ATP13A1: variants seen among roughly 807,000 people sequenced by gnomAD.
ATP13A1 encodes ATPase 13A1, also known as endoplasmic reticulum transmembrane helix translocase.
Under a neutral mutation model 134.8 loss-of-function variants are expected in ATP13A1, and 55 were observed. That is an observed-to-expected ratio of 0.41 (90% CI 0.33 to 0.51). ATP13A1 has a LOEUF of 0.51. ATP13A1 is among the 20% of genes least tolerant of loss of function. The probability of loss-of-function intolerance (pLI) is 0.29; values close to 1 mark genes in which losing one functional copy is unlikely to be tolerated. For synonymous variants in ATP13A1, 775 were observed against 725.1 expected (o/e 1.07, Z -1.10); for missense variants, 1,389 against 1,652.8 (o/e 0.84, Z 2.77).
At position 19,649,894 on chromosome 19, in the gene ATP13A1, G is replaced by A. The variant is rs2062013174; in HGVS notation, c.2382C>T (p.Pro794=). Residue 794 remains proline (P), a synonymous_variant, in exon 18 of 26, where the codon CCC becomes CCT. Transcript: ENST00000357324. Reference sequence around the variant, plus strand: ...GTGCCTTTGGGGAGCCCCGGGCCAGGGGCAGCACGATGCTGCCGTCAATGG... The same window carrying A: ...GTGCCTTTGGGGAGCCCCGGGCCAGAGGCAGCACGATGCTGCCGTCAATGG... ...WRSIDGSIVL[P]LARGSPKALA... 4 of 1,600,356 alleles carry A rather than the reference G, an allele frequency of 2.5e-6. No homozygotes were observed. The highest frequency in any genetic ancestry group is 3.4e-6 in the Non-Finnish European group (4 of 1,179,476).
At position 19,654,637 on chromosome 19, in the gene ATP13A1, C is replaced by A; in HGVS notation, c.1719G>T (p.Ser573=). The A allele has an allele frequency of 6.2e-7, 1 of 1,613,614 alleles. No individual in the cohort carries two copies. The highest frequency in any genetic ancestry group is 8.5e-7 in the Non-Finnish European group (1 of 1,179,856). Residue 573 remains serine (S), a synonymous_variant, in exon 13 of 26, where the codon TCG becomes TCT. Transcript: ENST00000357324. ...IPVETHRALA[S]CHSLMQLDDG... ...CGTCCAGCTGCATGAGCGAGTGGCA[C>A]GAGGCCAGGGCCCGGTGTGTTTCTA...
Position 19,654,124 on chromosome 19 carries a change from T to C in ATP13A1, c.1834A>G (p.Ser612Gly). The change falls in exon 14 of 26, where the codon AGT becomes GGT. Residue 612 changes from serine to glycine, a missense_variant. By Grantham distance (56) the Ser-to-Gly change is moderately conservative. Around this residue, in one of 4 missense-constraint regions of ATP13A1, gnomAD observed 747 missense variants for 956.1 expected, o/e 0.78. Transcript: ENST00000357324. ...ATTTTCAGCCCCTGAGTTTTAATAC[T>C]TCGGGGGAATACTTTCTCATCTGGA... ...LTKDEKVFPR[S>G]IKTQGLKIHQ... 1 of 1,589,176 alleles carries C rather than the reference T, an allele frequency of 6.3e-7. No homozygotes were observed. The highest frequency in any genetic ancestry group is 8.6e-7 in the Non-Finnish European group (1 of 1,167,902).
intron 17 of ATP13A1, 45 bp downstream of exon 17, chr19:19,651,644 A>T (rs754331722): frequency 6.6e-7 from 1 of 1,511,050 alleles, no homozygotes; most frequent in Non-Finnish European, 9.1e-7. Flanking sequence ...CTGTTCTTGG[A>T]CTCAGGGTCC....
In ATP13A1 at chr19:19,645,272, G is replaced by T; in HGVS notation, c.*150C>A. 1 of 850,932 alleles carries T rather than the reference G, an allele frequency of 1.2e-6. No individual in the cohort carries two copies. Among genetic ancestry groups the T allele is most frequent in the Non-Finnish European group, 1.8e-6 (1 of 549,834 alleles). 52.7% of individuals were successfully genotyped at this position (850,932 alleles called of 1,614,324 possible). ...GCTGGTTCTGCTGGCCAAGCCAGCG[G>T]ATGGCTGTGGGGGTCCCAGCTCAGT... is the stretch of plus-strand genomic sequence containing the variant. On this transcript the variant is annotated 3_prime_UTR_variant, in exon 26 of 26. Transcript: ENST00000357324. The surrounding 1 kb of genome is among the most constrained non-coding windows in gnomAD (Gnocchi z 4.1).
intron 1 of ATP13A1, among the ~76,000 whole-genome samples, chr19:19,660,295 A>C (rs2145020356): frequency 6.6e-6 from 1 of 151,378 alleles, no homozygotes; most frequent in African/African-American, 2.4e-5. Flanking sequence ...CAGCCTCGCC[A>C]ATGTGGCGAA....
intron 15 of ATP13A1, chr19:19,652,972 C>T: frequency 2.0e-6 from 1 of 503,906 alleles, no homozygotes; most frequent in Non-Finnish European, 3.6e-6. Flanking sequence ...CGGACATGGG[C>T]ACATCACAGA....
In ATP13A1 at chr19:19,663,408, A is replaced by G; in HGVS notation, c.259T>C (p.Trp87Arg). 1.3e-6 allele frequency: 2 copies of G among 1,582,086 alleles called. No homozygotes were observed. Among genetic ancestry groups the G allele is most frequent in the Non-Finnish European group, 1.7e-6 (2 of 1,166,190 alleles). ...TGCACCCAACTGCTGCCCCAGCCCC[A>G]GCAGCCAGCGGCTGCGGCACCCAAC... The part of the protein sequence containing the change: ...AWLGAAAAGC[W>R]GWGSSWVQIP... The change falls in exon 1 of 26, where the codon TGG becomes CGG. Residue 87 changes from tryptophan to arginine, a missense_variant. By Grantham distance (101) the Trp-to-Arg change is moderately radical. This residue lies in a region of ATP13A1 where 293 missense variants were observed against 270.8 expected (regional missense o/e 1.08). Coordinates refer to ENST00000357324, the MANE Select transcript of ATP13A1 (RefSeq NM_020410.3).
In ATP13A1 at chr19:19,645,823, G is replaced by C. The variant is rs754567741; in HGVS notation, c.3361-33C>G. 7.4e-6 allele frequency: 12 copies of C among 1,610,780 alleles called. No individual in the cohort carries two copies. The highest frequency in any genetic ancestry group is 9.3e-6 in the Non-Finnish European group (11 of 1,178,352). On this transcript the variant is annotated intron_variant, in intron 24 of 25. Coordinates refer to ENST00000357324, the MANE Select transcript of ATP13A1 (RefSeq NM_020410.3). This position sits in a 1 kb window ranked among gnomAD's most constrained non-coding sequence, Gnocchi z 4.1. ...GATGAGGGACAGATGGCTTCATGGG[G>C]TGGGGCTGGGTGGGCAGACAGTGAA... is the stretch of plus-strand genomic sequence containing the variant.
chr19:19,647,378 G>C lies in ATP13A1; in HGVS notation c.2908+36C>G, dbSNP rs1403044156. On this transcript the variant is annotated intron_variant, in intron 21 of 25. Coordinates refer to ENST00000357324, the MANE Select transcript of ATP13A1 (RefSeq NM_020410.3). This position sits in a 1 kb window ranked among gnomAD's most constrained non-coding sequence, Gnocchi z 4.8. ...GGTGTGGGTAGGGGTGCCAAGGGGG[G>C]AATGAAGGGAGGGGGAGCGGGGGCA... 6.6e-7 allele frequency: 1 copy of C among 1,520,360 alleles called. No homozygotes were observed. The highest frequency in any genetic ancestry group is 1.1e-5 in the South Asian group (1 of 88,476). The allele number at this position is 1,520,360 out of a possible 1,614,324, so 94.2% of individuals were successfully genotyped here. A position where few individuals can be genotyped will look rare whatever the true frequency, so the allele number is the denominator to read the frequency against.
In ATP13A1 at chr19:19,663,293, T is replaced by A. The variant is rs757273443; in HGVS notation, c.374A>T (p.His125Leu). The A allele has an allele frequency of 1.3e-6, 2 of 1,587,376 alleles. No individual in the cohort carries two copies. Among genetic ancestry groups the A allele is most frequent in the Non-Finnish European group, 1.7e-6 (2 of 1,168,284 alleles). ...VLSGHWSVHA[H>L]CALTCTPEYD... ...TACCGGGGTGCAGGTGAGCGCGCAA[T>A]GCGCGTGCACAGACCAATGCCCCGA... Residue 125 changes from histidine (H) to leucine (L), a missense_variant, in exon 1 of 26, where the codon CAT (histidine) becomes CTT (leucine). Coordinates refer to ENST00000357324, the MANE Select transcript of ATP13A1 (RefSeq NM_020410.3).
In ATP13A1 at chr19:19,645,482, G is replaced by T; in HGVS notation, c.3555C>A (p.Leu1185=). ...AGAACTGCAGGACGCGGTCGGCCAG[G>T]AGCGCCAGGCAGAAGTCCAGGAGCA... The part of the protein sequence containing the change: ...QVLLLDFCLA[L]LADRVLQFFL... Residue 1185 remains leucine (L), a synonymous_variant, in exon 26 of 26, where the codon CTC becomes CTA. Transcript: ENST00000357324. The surrounding 1 kb of genome is among the most constrained non-coding windows in gnomAD (Gnocchi z 4.1). The T allele has an allele frequency of 1.2e-6, 2 of 1,608,818 alleles. No homozygotes were observed. Among genetic ancestry groups the T allele is most frequent in the Non-Finnish European group, 1.7e-6 (2 of 1,177,826 alleles).
rs2062057932 is a variant in ATP13A1, at chr19:19,656,330, AC to A, written c.1084-148del. The A allele has an allele frequency of 1.2e-5, 14 of 1,164,664 alleles. No homozygotes were observed. The South Asian group carries it at 2.0e-4, about 17-fold the overall frequency. The allele number at this position is 1,164,664 out of a possible 1,614,324, so 72.1% of individuals were successfully genotyped here. ...CATCCCACCCAGCTCCCAGATCCTC[AC>A]CCTCACCCCGTCCTGTCTTCTCCCC... On this transcript the variant is annotated intron_variant, in intron 7 of 25. Coordinates refer to ENST00000357324, the MANE Select transcript of ATP13A1 (RefSeq NM_020410.3). The surrounding 1 kb of genome is among the most constrained non-coding windows in gnomAD (Gnocchi z 4.6).
intron 13 of ATP13A1, 41 bp from the exon 14 acceptor site, chr19:19,654,185 A>G (rs764825106): frequency 3.4e-5 from 53 of 1,541,402 alleles, no homozygotes; most frequent in South Asian, 1.9e-4. Flanking sequence ...GCTTTGCTCC[A>G]AAGAGGCAGC....
At position 19,645,620 on chromosome 19, in the gene ATP13A1, C is replaced by G. The variant is rs779659570; in HGVS notation, c.3504+27G>C. On this transcript the variant is annotated intron_variant, in intron 25 of 25. Transcript: ENST00000357324. The surrounding 1 kb of genome is among the most constrained non-coding windows in gnomAD (Gnocchi z 4.1). Reference sequence around the variant, plus strand: ...AGGAGGGACCCATCAAGCTGAGCCCCAGGGTCACCTCCACAGGGCCACTGA... The same window carrying G: ...AGGAGGGACCCATCAAGCTGAGCCCGAGGGTCACCTCCACAGGGCCACTGA... 1.3e-6 allele frequency: 2 copies of G among 1,562,512 alleles called. No individual in the cohort carries two copies. Among genetic ancestry groups the G allele is most frequent in the Non-Finnish European group, 1.7e-6 (2 of 1,153,472 alleles).
chr19:19,651,808 G>C lies in ATP13A1; in HGVS notation c.2227-11C>G. ...CGTGATCATGACCACCTTGGGTAAA[G>C]AGGGGCAGAGGCTCAGCATGGCACC... On this transcript the variant is annotated splice_polypyrimidine_tract_variant and intron_variant, in intron 16 of 25. Transcript: ENST00000357324. 6.2e-7 allele frequency: 1 copy of C among 1,604,974 alleles called. No homozygotes were observed. Among genetic ancestry groups the C allele is most frequent in the Non-Finnish European group, 8.5e-7 (1 of 1,173,578 alleles).
At position 19,645,674 on chromosome 19, in the gene ATP13A1, C is replaced by G. The variant is rs2061980392; in HGVS notation, c.3477G>C (p.Gln1159His). Residue 1159 changes from glutamine (Q) to histidine (H), a missense_variant, in exon 25 of 26, where the codon CAG (glutamine) becomes CAC (histidine). By Grantham distance (24) the Gln-to-His change is conservative (BLOSUM62 0). Around this residue, in one of 4 missense-constraint regions of ATP13A1, gnomAD observed 228 missense variants for 321.0 expected, o/e 0.71. Coordinates refer to ENST00000357324, the MANE Select transcript of ATP13A1 (RefSeq NM_020410.3). The surrounding 1 kb of genome is among the most constrained non-coding windows in gnomAD (Gnocchi z 4.1). ...LLGSSPDFNSQFGLVDIPVEF... is the reference protein window; with the variant it reads ...LLGSSPDFNSHFGLVDIPVEF... ...CCACAGGGATGTCCACGAGGCCAAA[C>G]TGGCTGTTGAAGTCGGGCGAGGAGC... The G allele has an allele frequency of 6.3e-7, 1 of 1,574,982 alleles. No homozygotes were observed. The highest frequency in any genetic ancestry group is 1.3e-5 in the African/African-American group (1 of 74,124).
Position 19,649,923 on chromosome 19 carries a change from G to C in ATP13A1, c.2353C>G (p.Arg785Gly), listed in dbSNP as rs559726917. Residue 785 changes from arginine to glycine, a missense_variant, in exon 18 of 26, where the codon CGC (arginine) becomes GGC (glycine). Arg to Gly is a moderately radical substitution (Grantham distance 125, BLOSUM62 -2). This residue lies in a region of ATP13A1 where 747 missense variants were observed against 956.1 expected (regional missense o/e 0.78). Coordinates refer to ENST00000357324, the MANE Select transcript of ATP13A1 (RefSeq NM_020410.3). ...AGCACGATGCTGCCGTCAATGGAGC[G>C]CCACTCGCACTGCCGGCCTGCGGGC... ...PSEKGRQCEW[R>G]SIDGSIVLPL... The C allele has an allele frequency of 1.9e-6, 3 of 1,595,194 alleles. No individual in the cohort carries two copies. Among genetic ancestry groups the C allele is most frequent in the Non-Finnish European group, 2.5e-6 (3 of 1,178,372 alleles).
rs544457490 is a variant in ATP13A1 at position 19,652,924 on chromosome 19, G to A, written c.2101-204C>T. ...GGGTGGGATCTGGCAGTGACTGGGGGGTCTGGGTCCCCCGAATGTGGCTCT... is the reference window on the plus strand; with the variant it reads ...GGGTGGGATCTGGCAGTGACTGGGGAGTCTGGGTCCCCCGAATGTGGCTCT... On this transcript the variant is annotated intron_variant, in intron 15 of 25. Transcript: ENST00000357324. 2,070 of 678,992 alleles carry A rather than the reference G, an allele frequency of 3.0e-3. 6 individuals are homozygous for A. Among genetic ancestry groups the A allele is most frequent in the Admixed American group, 7.9e-3 (245 of 30,860 alleles). The allele number at this position is 678,992 out of a possible 1,614,324, so 42.1% of individuals were successfully genotyped here.
At position 19,653,872 on chromosome 19, in the gene ATP13A1, T is replaced by C. The variant is rs773433461; in HGVS notation, c.2012A>G (p.Tyr671Cys). 6.4e-7 allele frequency: 1 copy of C among 1,566,106 alleles called. No homozygotes were observed. Among genetic ancestry groups the C allele is most frequent in the South Asian group, 1.2e-5 (1 of 85,028 alleles). The stretch of plus-strand genomic sequence containing the variant: ...GGAGATCTCGGTGTGGATGTGGTGG[T>C]AGTCGGGCGGGCACTGGGAGAACTG... The part of the protein sequence containing the change: ...HSMFSQCPPD[Y>C]HHIHTEISRE... The change falls in exon 15 of 26, where the codon TAC becomes TGC. Residue 671 changes from tyrosine (Y) to cysteine (C), a missense_variant. Tyr to Cys is a radical substitution (Grantham distance 194). Transcript: ENST00000357324. This position sits in a 1 kb window ranked among gnomAD's most constrained non-coding sequence, Gnocchi z 4.2.
Sources: allele counts gnomAD v4.1 joint callset (sites outside exome capture counted in the v4.1 genomes callset), GRCh38; gene constraint gnomAD v4.1.1; regional missense constraint gnomAD v4.1.1; non-coding constraint Gnocchi (gnomAD v3.1); transcripts MANE v1.5; gene names NCBI Gene and HGNC (gene_info 2026-07-23, HGNC 2026-07-21).